ZBTB20: variants seen among roughly 807,000 people sequenced by gnomAD.
ZBTB20 encodes the protein zinc finger and BTB domain containing 20, also known as zinc finger and BTB domain-containing protein 20.
A neutral mutation model predicts 56.9 loss-of-function variants in ZBTB20; 9 were observed. The ratio of observed to expected loss-of-function variants is 0.16; its 90% confidence interval spans 0.10 to 0.28. The LOEUF is 0.28. Ranked by LOEUF, ZBTB20 falls within the 10% of genes least tolerant of loss-of-function variation. ZBTB20 has a pLI of 1.00. For missense variants in ZBTB20, 655 were observed against 1,003.0 expected (o/e 0.65, Z 4.69); for synonymous variants, 417 against 420.7 (o/e 0.99, Z 0.11).
intron 6 of ZBTB20, among the ~76,000 whole-genome samples, chr3:114,621,301 A>G (rs1164790046): frequency 1.3e-5 from 2 of 152,304 alleles, no homozygotes; most frequent in East Asian, 3.9e-4. Context: ...CAGTGTGATA[A>G]AAAGTCAGCT....
chr3:114,578,354 C>G (rs2054304443), intron 6 of ZBTB20, among the ~76,000 whole-genome samples: 2 of 151,842 alleles, frequency 1.3e-5, no homozygotes, highest in Non-Finnish European at 2.9e-5. Flanking sequence ...CAATGTTTAT[C>G]TTATAAGAAT....
rs2078765810 is a variant in ZBTB20, at chr3:114,318,305, C to T, written c.*20700G>A. 1.3e-5 allele frequency: 2 copies of T among 152,222 alleles called. No homozygotes were observed. The highest frequency in any genetic ancestry group is 6.5e-5 in the Admixed American group (1 of 15,282). The allele number at this position is 152,222 out of a possible 1,614,324, so 9.4% of individuals were successfully genotyped here. A position where few individuals can be genotyped will look rare whatever the true frequency, so the allele number is the denominator to read the frequency against. ...TCCTGAGGGCTGGGGGGCCTTCACA[C>T]CACCCACAGCCATTTCCCTCCTTTG... On this transcript the variant is annotated 3_prime_UTR_variant, in exon 12 of 12. Transcript: ENST00000675478.
chr3:114,828,298 C>T (rs1387992967), intron 4 of ZBTB20, among the ~76,000 whole-genome samples: 3 of 151,598 alleles, frequency 2.0e-5, no homozygotes, highest in African/African-American at 4.8e-5. Context: ...TTTTATAACA[C>T]GTTCCAACAG....
At chr3:114,455,060 GGAGAGAGA>G (rs541643450) in intron 7 of ZBTB20, among the ~76,000 whole-genome samples, 78 of 137,824 alleles carry the variant, frequency 5.7e-4, no homozygotes, top group African/African-American at 2.0e-3. Flanking sequence ...GAGAGGGGGG[GGAGAGAGA>G]GAGAGAGAGG....
intron 4 of ZBTB20, among the ~76,000 whole-genome samples, chr3:114,856,671 T>A (rs2075270223): frequency 6.6e-6 from 1 of 152,200 alleles, no homozygotes; most frequent in Admixed American, 6.5e-5. Context: ...ATTGATTTAT[T>A]AATATTTTAT....
At chr3:114,829,392 T>G (rs1253249714) in intron 4 of ZBTB20, among the ~76,000 whole-genome samples, 2 of 151,844 alleles carry the variant, frequency 1.3e-5, no homozygotes, top group Non-Finnish European at 2.9e-5. Flanking sequence ...AGGTCAATGT[T>G]TGCCAGCTGA....
intron 1 of ZBTB20, among the ~76,000 whole-genome samples, chr3:115,078,593 A>ATG (rs1402154850): frequency 2.6e-5 from 2 of 76,658 alleles, no homozygotes; most frequent in African/African-American, 1.1e-4. Flanking sequence ...ATCAGTAAGA[A>ATG]TATGTGTGTG....
chr3:115,128,546 C>A (rs2084401891), intron 1 of ZBTB20, among the ~76,000 whole-genome samples: 1 of 151,828 alleles, frequency 6.6e-6, no homozygotes, highest in Admixed American at 6.6e-5. Context: ...TGCCTGTAAT[C>A]CTAGCTACTC....
rs914566634 is a variant in ZBTB20, at chr3:114,317,829, C to T, written c.*21176G>A. ...TGTGTGTGTGCTCGCATACATGAAA[C>T]GCGAGTCCAAGGGGCCATTGGGGCA... On this transcript the variant is annotated 3_prime_UTR_variant, in exon 12 of 12. Coordinates refer to ENST00000675478, the MANE Select transcript of ZBTB20 (RefSeq NM_001348800.3). 3.3e-5 allele frequency: 5 copies of T among 152,048 alleles called. No homozygotes were observed. Among genetic ancestry groups the T allele is most frequent in the South Asian group, 2.1e-4 (1 of 4,824 alleles). 9.4% of individuals were successfully genotyped at this position (152,048 alleles called of 1,614,324 possible). A position where few individuals can be genotyped will look rare whatever the true frequency, so the allele number is the denominator to read the frequency against.
chr3:114,928,437 A>G (rs1005159731), intron 3 of ZBTB20, among the ~76,000 whole-genome samples: 1 of 150,862 alleles, frequency 6.6e-6, no homozygotes, highest in Non-Finnish European at 1.5e-5. Flanking sequence ...GGAGAACCTC[A>G]AGGTTCTTCA....
chr3:114,879,798 C>T (rs1056586238), intron 4 of ZBTB20, among the ~76,000 whole-genome samples: 5 of 152,212 alleles, frequency 3.3e-5, no homozygotes, highest in African/African-American at 1.2e-4. Context: ...TAAAGCACCT[C>T]TTAATACCAA....
In ZBTB20 at chr3:114,316,842, C is replaced by T. The variant is rs1050340221; in HGVS notation, c.*22163G>A. On this transcript the variant is annotated 3_prime_UTR_variant, in exon 12 of 12. Transcript: ENST00000675478. ...GGCTCGTGCCTGAGTGATTAATGGACATTCTGGACTCCGGGCACCTTAGCA... is the reference window on the plus strand; with the variant it reads ...GGCTCGTGCCTGAGTGATTAATGGATATTCTGGACTCCGGGCACCTTAGCA... 8.5e-6 allele frequency: 2 copies of T among 234,452 alleles called. No homozygotes were observed. The highest frequency in any genetic ancestry group is 1.7e-5 in the Non-Finnish European group (2 of 116,356). The allele number at this position is 234,452 out of a possible 1,614,324, so 14.5% of individuals were successfully genotyped here.
intron 4 of ZBTB20, among the ~76,000 whole-genome samples, chr3:114,818,998 AGT>A (rs2073098715): frequency 1.3e-5 from 2 of 151,984 alleles, no homozygotes; most frequent in Non-Finnish European, 2.9e-5. Flanking sequence ...CCCAACTTAC[AGT>A]GGTTCAGCTT....
intron 5 of ZBTB20, among the ~76,000 whole-genome samples, chr3:114,729,181 A>T (rs1170904603): frequency 6.6e-6 from 1 of 152,216 alleles, no homozygotes; most frequent in African/African-American, 2.4e-5. Context: ...TTTTTCACTA[A>T]CATACTCTTT....
chr3:115,023,410 G>T (rs2080286289), intron 2 of ZBTB20, among the ~76,000 whole-genome samples: 1 of 150,656 alleles, frequency 6.6e-6, no homozygotes, highest in Non-Finnish European at 1.5e-5. Flanking sequence ...TTCTATGCCT[G>T]TGCCCCATGT....
chr3:114,705,669 C>T lies in ZBTB20; in HGVS notation c.-342-12094G>A, dbSNP rs970596280. Among the ~76,000 whole-genome samples the T allele has an allele frequency of 2.8e-4, 43 of 152,078 alleles. 1 individual carries two copies. Among genetic ancestry groups the T allele is most frequent in the Non-Finnish European group, 8.8e-5 (6 of 68,008 alleles). ...CCCACTCAAGTGTTAGAGACAAATT[C>T]AGAAAAGAAACTAAGTCTACGTATG... On this transcript the variant is annotated intron_variant, in intron 5 of 11. Transcript: ENST00000675478.
At chr3:115,064,218 C>T (rs1428441619) in intron 2 of ZBTB20, among the ~76,000 whole-genome samples, 1 of 152,068 alleles carries the variant, frequency 6.6e-6, no homozygotes, top group African/African-American at 2.4e-5. Context: ...ACCTTTCTCA[C>T]CTCATTTTAA....
chr3:114,819,930 T>C (rs1052804817), intron 4 of ZBTB20, among the ~76,000 whole-genome samples: 4 of 151,976 alleles, frequency 2.6e-5, no homozygotes. Context: ...AGTTCCTTAT[T>C]AAATCACTGC....
rs1048497488 is a variant in ZBTB20 at position 114,574,930 on chromosome 3, C to T, written c.-294-74539G>A. ...GCTATATGGACCCTATATGCACTTA[C>T]GTTTTTATAAGTGGGTATTTCTATA... On this transcript the variant is annotated intron_variant, in intron 6 of 11. Transcript: ENST00000675478. Among the ~76,000 whole-genome samples the T allele has an allele frequency of 7.2e-5, 11 of 152,196 alleles. No individual in the cohort carries two copies. The South Asian group carries it at 8.3e-4, about 11-fold the overall frequency.
Sources: gnomAD v4.1 joint callset for allele counts (sites outside exome capture counted in the v4.1 genomes callset) on GRCh38, gnomAD v4.1.1 for gene constraint, MANE v1.5 for transcripts, NCBI Gene and HGNC (gene_info 2026-07-23, HGNC 2026-07-21) for gene names.